RPAP1: variants seen among roughly 807,000 people sequenced by gnomAD.
RPAP1 encodes the protein RNA polymerase II-associated protein 1.
Under a neutral mutation model 142.4 loss-of-function variants are expected in RPAP1, and 109 were observed. The observed-to-expected ratio is 0.77, with a 90% CI of 0.66 to 0.90. RPAP1 has a LOEUF of 0.90. Among genes scored for constraint, RPAP1 ranks in the 40% least tolerant of loss-of-function variants. RPAP1 has a pLI of 0.00. For missense variants in RPAP1, 1,546 were observed against 1,751.7 expected (o/e 0.88, Z 2.10); for synonymous variants, 704 against 738.9 (o/e 0.95, Z 0.77).
chr15:41,523,912 A>T lies in RPAP1; in HGVS notation c.2295T>A (p.Ser765=). 1 of 1,608,756 alleles carries T rather than the reference A, an allele frequency of 6.2e-7. No individual in the cohort carries two copies. The highest frequency in any genetic ancestry group is 8.5e-7 in the Non-Finnish European group (1 of 1,177,408). ...ACGGCTCAACAAGAGGCTGGAGCCCAGACACCTGTGTCCAAGTGACTAAGG... is the reference window on the plus strand; with the variant it reads ...ACGGCTCAACAAGAGGCTGGAGCCCTGACACCTGTGTCCAAGTGACTAAGG... ...TPSLVTWTQV[S]GLQPLVEPCL... The change falls in exon 17 of 25, where the codon TCT becomes TCA. Residue 765 remains serine (S), a synonymous_variant. Coordinates refer to ENST00000304330, the MANE Select transcript of RPAP1 (RefSeq NM_015540.4).
chr15:41,532,424 A>C (rs1362688987), intron 6 of RPAP1, among the ~76,000 whole-genome samples: 1 of 152,106 alleles, frequency 6.6e-6, no homozygotes, highest in Non-Finnish European at 1.5e-5. Context: ...TCAACCTCCC[A>C]AAGTGCTGGA....
chr15:41,521,988 G>T, intron 20 of RPAP1, 108 bp from the exon 21 acceptor site: 1 of 1,554,126 alleles, frequency 6.4e-7, no homozygotes, highest in Non-Finnish European at 8.8e-7. Context: ...TCCAGGGCAT[G>T]TCTGGAGGAA....
intron 9 of RPAP1, 117 bp from the exon 10 acceptor site, chr15:41,528,453 A>C: frequency 1.4e-6 from 1 of 714,362 alleles, no homozygotes; most frequent in Non-Finnish European, 2.4e-6. Flanking sequence ...CCTGCTTTCC[A>C]TGGAGCCTCA....
chr15:41,528,192 G>A (rs1236898789), intron 10 of RPAP1, 43 bp downstream of exon 10: 5 of 1,548,876 alleles, frequency 3.2e-6, no homozygotes, highest in African/African-American at 1.4e-5. Context: ...AGGCTGTGGG[G>A]TGAAGGGAAG....
intron 22 of RPAP1, among the ~76,000 whole-genome samples, chr15:41,518,916 G>A (rs373318587): frequency 1.3e-5 from 2 of 152,226 alleles, no homozygotes; most frequent in East Asian, 3.9e-4. Flanking sequence ...TTTTAATAGA[G>A]TCTCGTTCTA....
At chr15:41,538,510 T>TA (rs1172820336) in intron 1 of RPAP1, among the ~76,000 whole-genome samples, 1 of 92,550 alleles carries the variant, frequency 1.1e-5, no homozygotes, top group Non-Finnish European at 2.1e-5. Flanking sequence ...GCTTAGAGGA[T>TA]AAAAAAGGAA....
At position 41,517,910 on chromosome 15, in the gene RPAP1, C is replaced by T; in HGVS notation, c.3973-53G>A. Reference sequence around the variant, plus strand: ...CTGAGCCGAGGGCTGGTACCCACCACTGGCCTTGCTTGACACTTACCTCTT... The same window carrying T: ...CTGAGCCGAGGGCTGGTACCCACCATTGGCCTTGCTTGACACTTACCTCTT... On this transcript the variant is annotated intron_variant, in intron 23 of 24. Coordinates refer to ENST00000304330, the MANE Select transcript of RPAP1 (RefSeq NM_015540.4). 1.9e-6 allele frequency: 3 copies of T among 1,613,564 alleles called. No individual in the cohort carries two copies. In the East Asian group the frequency reaches 6.7e-5, roughly 36 times the overall value.
At chr15:41,534,044 C>A (rs994957988) in intron 6 of RPAP1, among the ~76,000 whole-genome samples, 3 of 151,710 alleles carry the variant, frequency 2.0e-5, no homozygotes, top group African/African-American at 7.3e-5. Flanking sequence ...ATCATTTGAA[C>A]CCAGGAGGCG....
In RPAP1 at chr15:41,524,252, T is replaced by C; in HGVS notation, c.2078A>G (p.Glu693Gly). Residue 693 changes from glutamate (E) to glycine (G), a missense_variant and splice_region_variant, in exon 16 of 25, where the codon GAG (glutamate) becomes GGG (glycine). Glu to Gly is a moderately conservative substitution (Grantham distance 98, BLOSUM62 -2). Around this residue, in one of 3 missense-constraint regions of RPAP1, gnomAD observed 1,333 missense variants for 1,486.6 expected, o/e 0.90. Coordinates refer to ENST00000304330, the MANE Select transcript of RPAP1 (RefSeq NM_015540.4). ...GGCCCGCATCAGCACTGGGTAGAGCTCCCTAGGGAAGAACAGGGACTGATT... is the reference window on the plus strand; with the variant it reads ...GGCCCGCATCAGCACTGGGTAGAGCCCCCTAGGGAAGAACAGGGACTGATT... Reference protein sequence around the residue: ...SYGQGGYLYRELYPVLMRALQ... With the variant: ...SYGQGGYLYRGLYPVLMRALQ... The C allele has an allele frequency of 1.3e-6, 2 of 1,518,070 alleles. No individual in the cohort carries two copies. The highest frequency in any genetic ancestry group is 1.8e-6 in the Non-Finnish European group (2 of 1,132,980). 94.0% of individuals were successfully genotyped at this position (1,518,070 alleles called of 1,614,324 possible).
rs1261292859 is a variant in RPAP1, at chr15:41,536,013, AT to A, written c.420+115del. The A allele has an allele frequency of 1.3e-4, 101 of 748,540 alleles. 1 individual carries two copies. In the East Asian group the frequency reaches 2.7e-3, roughly 20 times the overall value. The allele number at this position is 748,540 out of a possible 1,614,324, so 46.4% of individuals were successfully genotyped here. ...TAATGGGTATGAAGTGCTTAGTATGATCCTGCTTTGTAAATTAAATTGCTTA... is the reference window on the plus strand; with the variant it reads ...TAATGGGTATGAAGTGCTTAGTATGACCTGCTTTGTAAATTAAATTGCTTA... On this transcript the variant is annotated intron_variant, in intron 4 of 24. Coordinates refer to ENST00000304330, the MANE Select transcript of RPAP1 (RefSeq NM_015540.4).
At position 41,522,847 on chromosome 15, in the gene RPAP1, GAGC is replaced by G. The variant is rs2051742987; in HGVS notation, c.2657_2659del (p.Gly886_Ser887delinsAla). 6.3e-7 allele frequency: 1 copy of G among 1,584,158 alleles called. No homozygotes were observed. The highest frequency in any genetic ancestry group is 8.5e-7 in the Non-Finnish European group (1 of 1,170,644). On this transcript the variant is annotated inframe_deletion, in exon 19 of 25. Coordinates refer to ENST00000304330, the MANE Select transcript of RPAP1 (RefSeq NM_015540.4). Reference sequence around the variant, plus strand: ...AGTGAGGAATGGGAAGGGTGAGGCTGAGCCAGCCAGACTGAGACGGGGGCAGCC... The same window carrying G: ...AGTGAGGAATGGGAAGGGTGAGGCTGCAGCCAGACTGAGACGGGGGCAGCC...
At chr15:41,529,793 G>C (rs1297780231) in intron 8 of RPAP1, 71 bp downstream of exon 8, 5 of 1,155,594 alleles carry the variant, frequency 4.3e-6, no homozygotes, top group South Asian at 3.0e-5. Context: ...CCTGAGTTCT[G>C]AGGGCAAGAG....
At position 41,520,723 on chromosome 15, in the gene RPAP1, G is replaced by A. The variant is rs771893792; in HGVS notation, c.3463C>T (p.Arg1155Cys). 4.2e-5 allele frequency: 67 copies of A among 1,613,856 alleles called. No individual in the cohort carries two copies. Among genetic ancestry groups the A allele is most frequent in the Admixed American group, 1.0e-4 (6 of 60,002 alleles). ...QALWAVPPAA[R>C]LARLMCVFLV... ...AACACACACATGAGCCGTGCCAGGC[G>A]GGCAGCAGGGGGCACAGCCCAGAGA... Residue 1155 changes from arginine to cysteine, a missense_variant, in exon 22 of 25, where the codon CGC becomes TGC. Arg to Cys is a radical substitution (Grantham distance 180, BLOSUM62 -3). Coordinates refer to ENST00000304330, the MANE Select transcript of RPAP1 (RefSeq NM_015540.4).
chr15:41,529,568 T>G lies in RPAP1; in HGVS notation c.1060A>C (p.Arg354=). ...PPVRRQQTQE[R]MQARFSLQGE... ...TGAAGACTGAATCGAGCCTGCATCCTCTAATGGGAAGAGAAAGAGGACTGT... is the reference window on the plus strand; with the variant it reads ...TGAAGACTGAATCGAGCCTGCATCCGCTAATGGGAAGAGAAAGAGGACTGT... Residue 354 remains arginine (R), a splice_region_variant and synonymous_variant, in exon 9 of 25, where the codon AGG becomes CGG. Transcript: ENST00000304330. 1 of 1,605,496 alleles carries G rather than the reference T, an allele frequency of 6.2e-7. No homozygotes were observed. The highest frequency in any genetic ancestry group is 8.5e-7 in the Non-Finnish European group (1 of 1,173,266).
At chr15:41,527,131 G>C in intron 13 of RPAP1, 36 bp downstream of exon 13, 1 of 1,613,782 alleles carries the variant, frequency 6.2e-7, no homozygotes, top group East Asian at 2.2e-5. Flanking sequence ...GGCCCAGCTA[G>C]GCTTTTTGCC....
At chr15:41,531,231 G>A in intron 6 of RPAP1, 29 bp from the exon 7 acceptor site, 5 of 1,591,808 alleles carry the variant, frequency 3.1e-6, no homozygotes, top group Non-Finnish European at 4.3e-6. Flanking sequence ...GGGAGAGTGA[G>A]TGAGGGTAGA....
At chr15:41,538,967 T>C (rs2051942882) in intron 1 of RPAP1, among the ~76,000 whole-genome samples, 1 of 152,174 alleles carries the variant, frequency 6.6e-6, no homozygotes, top group African/African-American at 2.4e-5. Flanking sequence ...GGCAAATCCA[T>C]AGAGACAGAA....
intron 14 of RPAP1, among the ~76,000 whole-genome samples, chr15:41,525,627 G>A (rs947247859): frequency 9.9e-5 from 15 of 151,240 alleles, no homozygotes; most frequent in East Asian, 1.9e-4. Context: ...GTGAGCCACC[G>A]CACCCAGCCC....
chr15:41,532,978 CAAAAAA>C (rs56292925), intron 6 of RPAP1, among the ~76,000 whole-genome samples: 3 of 66,668 alleles, frequency 4.5e-5, no homozygotes, highest in Admixed American at 4.8e-4. Context: ...GACTCCGTCT[CAAAAAA>C]AAAAAAAAAA....
Sources: allele counts gnomAD v4.1 joint callset (sites outside exome capture counted in the v4.1 genomes callset), GRCh38; gene constraint gnomAD v4.1.1; regional missense constraint gnomAD v4.1.1; transcripts MANE v1.5; gene names NCBI Gene and HGNC (gene_info 2026-07-23, HGNC 2026-07-21).